Variants in SEMA5A observed in about 807,000 individuals in gnomAD.
SEMA5A encodes semaphorin 5A.
SEMA5A carries 55 observed loss-of-function variants against 135.5 expected under a neutral mutation model. The observed-to-expected ratio is 0.41, with a 90% CI of 0.33 to 0.51. The LOEUF is 0.51. Ranked by LOEUF, SEMA5A falls within the 20% of genes least tolerant of loss-of-function variation. SEMA5A has a pLI of 0.37. For synonymous variants in SEMA5A, 580 were observed against 546.5 expected (o/e 1.06, Z -0.85); for missense variants, 1,290 against 1,419.9 (o/e 0.91, Z 1.47).
At chr5:9,095,225 A>T (rs1249730064) in intron 16 of SEMA5A, among the ~76,000 whole-genome samples, 1 of 152,142 alleles carries the variant, frequency 6.6e-6, no homozygotes, top group Non-Finnish European at 1.5e-5. Context: ...GGAGGGGAAC[A>T]TCACACACTG....
chr5:9,109,078 T>C (rs531415052), intron 15 of SEMA5A, among the ~76,000 whole-genome samples: 36 of 132,024 alleles, frequency 2.7e-4, no homozygotes, highest in African/African-American at 9.9e-4. Flanking sequence ...TCTCGCTCTG[T>C]CGCCCAGGCT....
chr5:9,509,117 A>T (rs924923673), intron 1 of SEMA5A, among the ~76,000 whole-genome samples: 2 of 147,250 alleles, frequency 1.4e-5, no homozygotes, highest in Admixed American at 6.9e-5. Flanking sequence ...CCAGGACAGC[A>T]TCACTACAAG....
At position 9,078,740 on chromosome 5, in the gene SEMA5A, T is replaced by C. The variant is rs536672953; in HGVS notation, c.2074-12094A>G. Reference sequence around the variant, plus strand: ...TATAGGACCAAACTGGCTCCATTTTTTGGCAAGAAAATATAAAATAAAATT... The same window carrying C: ...TATAGGACCAAACTGGCTCCATTTTCTGGCAAGAAAATATAAAATAAAATT... On this transcript the variant is annotated intron_variant, in intron 16 of 22. Coordinates refer to ENST00000382496, the MANE Select transcript of SEMA5A (RefSeq NM_003966.3). Among the ~76,000 whole-genome samples, 5 of 152,256 alleles carry C rather than the reference T, an allele frequency of 3.3e-5. No individual in the cohort carries two copies. In the East Asian group the frequency reaches 9.7e-4, roughly 29 times the overall value.
rs552159359 is a variant in SEMA5A, at chr5:9,320,612, G to A, written c.225-2195C>T. Among the ~76,000 whole-genome samples, 69 of 152,194 alleles carry A rather than the reference G, an allele frequency of 4.5e-4. 1 individual carries two copies. The highest frequency in any genetic ancestry group is 8.4e-4 in the Non-Finnish European group (57 of 68,036). On this transcript the variant is annotated intron_variant, in intron 4 of 22. Coordinates refer to ENST00000382496, the MANE Select transcript of SEMA5A (RefSeq NM_003966.3). ...GCATGCTTGGAGTCCCAGCTACTCA[G>A]GAGGCTGAAGTGGGAGGATCCATTG...
chr5:9,515,451 T>C (rs1561313684), intron 1 of SEMA5A, among the ~76,000 whole-genome samples: 1 of 152,186 alleles, frequency 6.6e-6, no homozygotes, highest in Admixed American at 6.5e-5. Context: ...GAAATTTTCA[T>C]TGAGAACCTT....
Position 9,227,971 on chromosome 5 carries a change from G to A in SEMA5A, c.334-1004C>T, listed in dbSNP as rs192159761. On this transcript the variant is annotated intron_variant, in intron 6 of 22. Coordinates refer to ENST00000382496, the MANE Select transcript of SEMA5A (RefSeq NM_003966.3). Reference sequence around the variant, plus strand: ...ATACTCCAAGAATGGAGTACTTTTTGTGGTTGCAAAGTGTTCTTAGAAAAC... The same window carrying A: ...ATACTCCAAGAATGGAGTACTTTTTATGGTTGCAAAGTGTTCTTAGAAAAC... Among the ~76,000 whole-genome samples the A allele has an allele frequency of 1.8e-4, 28 of 152,294 alleles. 1 individual carries two copies. Among genetic ancestry groups the A allele is most frequent in the Admixed American group, 7.8e-4 (12 of 15,306 alleles).
In SEMA5A at chr5:9,224,426, T is replaced by C. The variant is rs1747178497; in HGVS notation, c.646+248A>G. On this transcript the variant is annotated intron_variant, in intron 8 of 22. Transcript: ENST00000382496. ...AATATAAAAAAAAACAGCAAGTTTCTATAAGTGGTCATATCAACATTAGCC... is the reference window on the plus strand; with the variant it reads ...AATATAAAAAAAAACAGCAAGTTTCCATAAGTGGTCATATCAACATTAGCC... Among the ~76,000 whole-genome samples, 3 of 152,094 alleles carry C rather than the reference T, an allele frequency of 2.0e-5. No individual in the cohort carries two copies. In the South Asian group the frequency reaches 6.2e-4, roughly 32 times the overall value.
At chr5:9,043,086 A>G in intron 22 of SEMA5A, 70 bp from the exon 23 acceptor site, 1 of 1,334,786 alleles carries the variant, frequency 7.5e-7, no homozygotes, top group South Asian at 1.3e-5. Context: ...TATAACAAGG[A>G]TGACTATTAT....
intron 1 of SEMA5A, among the ~76,000 whole-genome samples, chr5:9,455,468 G>C (rs1250782115): frequency 2.0e-5 from 3 of 152,068 alleles, no homozygotes; most frequent in African/African-American, 7.2e-5. Flanking sequence ...ATGTTAGCAA[G>C]GACAGTCTCA....
intron 2 of SEMA5A, among the ~76,000 whole-genome samples, chr5:9,429,421 G>A (rs927046963): frequency 1.3e-5 from 2 of 152,236 alleles, no homozygotes; most frequent in Non-Finnish European, 2.9e-5. Context: ...GGAGCAGTGA[G>A]TGAACAAAAT....
At chr5:9,370,182 T>TCAAACATA (rs1755076668) in intron 3 of SEMA5A, among the ~76,000 whole-genome samples, 2 of 152,148 alleles carry the variant, frequency 1.3e-5, no homozygotes, top group South Asian at 4.1e-4. Context: ...GCACAAAAAA[T>TCAAACATA]CAAACATACA....
rs574722967 is a variant in SEMA5A at position 9,264,240 on chromosome 5, CAAG to C, written c.271-26353_271-26351del. ...ATTTGCCAAATACATTTCTATAAGC[CAAG>C]AAGAACCAAATTTTTAGAGCTAGAA... On this transcript the variant is annotated intron_variant, in intron 5 of 22. Coordinates refer to ENST00000382496, the MANE Select transcript of SEMA5A (RefSeq NM_003966.3). Among the ~76,000 whole-genome samples, 34 of 151,826 alleles carry C rather than the reference CAAG, an allele frequency of 2.2e-4. 2 individuals are homozygous for C. In the South Asian group the frequency reaches 7.1e-3, roughly 32 times the overall value.
intron 3 of SEMA5A, among the ~76,000 whole-genome samples, chr5:9,353,189 G>GGGAAGGGAAGGGAAAGGAAGGAAA (rs1754250825): frequency 1.2e-4 from 2 of 16,710 alleles, no homozygotes; most frequent in Non-Finnish European, 2.1e-4. Context: ...AGGAAGGGAA[G>GGGAAGGGAAGGGAAAGGAAGGAAA]GGAAAGGAAA....
chr5:9,118,871 G>T (rs1475140555), intron 15 of SEMA5A, 127 bp downstream of exon 15: 1 of 1,198,186 alleles, frequency 8.3e-7, no homozygotes, highest in Non-Finnish European at 1.1e-6. Flanking sequence ...AGGACGACTG[G>T]CTCAGCGGAA....
chr5:9,338,840 C>T (rs1416732845), intron 3 of SEMA5A, among the ~76,000 whole-genome samples: 2 of 152,072 alleles, frequency 1.3e-5, no homozygotes, highest in Non-Finnish European at 2.9e-5. Flanking sequence ...TGGAAATATG[C>T]CCCCATTCCG....
intron 2 of SEMA5A, among the ~76,000 whole-genome samples, chr5:9,432,593 T>A (rs1169024615): frequency 6.6e-6 from 1 of 152,196 alleles, no homozygotes; most frequent in Non-Finnish European, 1.5e-5. Context: ...GAGAGCTGAC[T>A]CTTGGTCCGA....
At chr5:9,485,488 C>G (rs565096032) in intron 1 of SEMA5A, among the ~76,000 whole-genome samples, 1 of 152,268 alleles carries the variant, frequency 6.6e-6, no homozygotes, top group Non-Finnish European at 1.5e-5. Flanking sequence ...ATGCAATGAG[C>G]AAACGAAACA....
chr5:9,535,491 G>A lies in SEMA5A; in HGVS notation c.-175+10093C>T, dbSNP rs1449221904. Reference sequence around the variant, plus strand: ...CCACTCTCCCAACCCACCCACGACCGCTACACAATTGACATTCAGTGTGAC... The same window carrying A: ...CCACTCTCCCAACCCACCCACGACCACTACACAATTGACATTCAGTGTGAC... On this transcript the variant is annotated intron_variant, in intron 1 of 22. Coordinates refer to ENST00000382496, the MANE Select transcript of SEMA5A (RefSeq NM_003966.3). Among the ~76,000 whole-genome samples the A allele has an allele frequency of 2.0e-5, 3 of 151,900 alleles. No individual in the cohort carries two copies. In the East Asian group the frequency reaches 5.8e-4, roughly 29 times the overall value.
chr5:9,368,026 G>C (rs1424371911), intron 3 of SEMA5A, among the ~76,000 whole-genome samples: 1 of 152,184 alleles, frequency 6.6e-6, no homozygotes, highest in Non-Finnish European at 1.5e-5. Flanking sequence ...AGAACTGTTA[G>C]TCAAATAAAC....
Sources: gnomAD v4.1 joint callset for allele counts (sites outside exome capture counted in the v4.1 genomes callset) on GRCh38, gnomAD v4.1.1 for gene constraint, MANE v1.5 for transcripts, NCBI Gene and HGNC (gene_info 2026-07-23, HGNC 2026-07-21) for gene names.